NCOA6: variants seen among roughly 807,000 people sequenced by gnomAD.
NCOA6 encodes the protein nuclear receptor coactivator 6, also known as NRC RAP250.
NCOA6 carries 49 observed loss-of-function variants against 171.4 expected under a neutral mutation model. The ratio of observed to expected loss-of-function variants is 0.29; its 90% CI spans 0.23 to 0.36. NCOA6 has a LOEUF of 0.36. NCOA6 is among the 10% of genes least tolerant of loss of function. The pLI, the probability that NCOA6 is intolerant of heterozygous loss-of-function variation, is 1.00. For missense variants in NCOA6, 2,248 were observed against 2,554.5 expected (o/e 0.88, Z 2.59); for synonymous variants, 910 against 927.5 (o/e 0.98, Z 0.34).
chr20:34,798,354 C>T (rs973915625), intron 1 of NCOA6, among the ~76,000 whole-genome samples: 1 of 152,242 alleles, frequency 6.6e-6, no homozygotes, highest in Non-Finnish European at 1.5e-5. Context: ...CCCTGGCTTC[C>T]GAACATCTCT....
chr20:34,754,429 T>C (rs1381484371), intron 8 of NCOA6, among the ~76,000 whole-genome samples: 1 of 152,212 alleles, frequency 6.6e-6, no homozygotes, highest in African/African-American at 2.4e-5. Flanking sequence ...AGAGACTATA[T>C]AACCTGAAAA....
At position 34,749,765 on chromosome 20, in the gene NCOA6, G is replaced by T; in HGVS notation, c.2430C>A (p.Asn810Lys). 4 of 1,614,210 alleles carry T rather than the reference G, an allele frequency of 2.5e-6. No homozygotes were observed. The highest frequency in any genetic ancestry group is 3.4e-6 in the Non-Finnish European group (4 of 1,180,026). The change falls in exon 9 of 15, where the codon AAC (asparagine) becomes AAA (lysine). Residue 810 changes from asparagine to lysine, a missense_variant. This residue lies in a region of NCOA6 where 987 missense variants were observed against 1,104.7 expected (regional missense o/e 0.89). Coordinates refer to ENST00000359003, the MANE Select transcript of NCOA6 (RefSeq NM_014071.5). ...GCATCATCTGAGATAAACTGACATC[G>T]TTATTTGCTGTAGTAGCAGGATCAC... ...QHGDPATTAN[N>K]DVSLSQMMPD...
intron 13 of NCOA6, among the ~76,000 whole-genome samples, chr20:34,731,232 G>C (rs1986110): frequency 6.6e-6 from 1 of 151,440 alleles, no homozygotes; most frequent in South Asian, 2.1e-4. Flanking sequence ...TTTGGCCAGG[G>C]TGGTATCGAA....
rs1363756493 is a variant in NCOA6 at position 34,776,364 on chromosome 20, C to T, written c.320G>A (p.Arg107Gln). The T allele has an allele frequency of 3.7e-6, 6 of 1,613,998 alleles. No individual in the cohort carries two copies. Among genetic ancestry groups the T allele is most frequent in the Admixed American group, 1.7e-5 (1 of 60,008 alleles). Residue 107 changes from arginine to glutamine, a missense_variant, in exon 4 of 15, where the codon CGG becomes CAG. Transcript: ENST00000359003. ...TFNIPREAAERLRILAQSNNQ... is the reference protein window; with the variant it reads ...TFNIPREAAEQLRILAQSNNQ... ...GTTGCTCTGAGCAAGGATCCGTAGCCGCTCCGCTGCTTCCCGGGGGATGTT... is the reference window on the plus strand; with the variant it reads ...GTTGCTCTGAGCAAGGATCCGTAGCTGCTCCGCTGCTTCCCGGGGGATGTT...
chr20:34,797,704 A>T (rs2078122602), intron 1 of NCOA6, among the ~76,000 whole-genome samples: 1 of 152,168 alleles, frequency 6.6e-6, no homozygotes, highest in African/African-American at 2.4e-5. Context: ...CCTGGCCAAC[A>T]TGGTAAAACC....
chr20:34,725,091 G>A (rs557600609), intron 14 of NCOA6, among the ~76,000 whole-genome samples: 3 of 152,146 alleles, frequency 2.0e-5, no homozygotes, highest in African/African-American at 7.2e-5. Context: ...ACGTGGCTGA[G>A]GCTCTGTCTT....
chr20:34,759,130 C>CT (rs1162098783), intron 5 of NCOA6, among the ~76,000 whole-genome samples, 197 bp from the exon 6 acceptor site: 1 of 151,772 alleles, frequency 6.6e-6, no homozygotes, highest in Non-Finnish European at 1.5e-5. Flanking sequence ...AGTGATCCTT[C>CT]TGAGTCAGCC....
intron 4 of NCOA6, among the ~76,000 whole-genome samples, chr20:34,773,035 A>C (rs987925361): frequency 3.9e-5 from 6 of 152,176 alleles, no homozygotes; most frequent in African/African-American, 1.4e-4. Context: ...CAAACTTGCC[A>C]ATTAGGGGTC....
chr20:34,775,236 C>T (rs1206710097), intron 4 of NCOA6, among the ~76,000 whole-genome samples: 1 of 151,952 alleles, frequency 6.6e-6, no homozygotes, highest in Non-Finnish European at 1.5e-5. Flanking sequence ...GGAGTTTGGT[C>T]TTCATTCTTT....
At chr20:34,763,667 G>A (rs1034092210) in intron 5 of NCOA6, among the ~76,000 whole-genome samples, 1 of 152,190 alleles carries the variant, frequency 6.6e-6, no homozygotes, top group Non-Finnish European at 1.5e-5. Flanking sequence ...TAATGTTAAT[G>A]ACTTAGCCTG....
chr20:34,779,834 T>TG (rs949017979), intron 3 of NCOA6, among the ~76,000 whole-genome samples: 7 of 117,780 alleles, frequency 5.9e-5, no homozygotes, highest in African/African-American at 1.2e-4. Context: ...TGTTCTAATG[T>TG]GGAAAAAAAA....
At chr20:34,823,700 CT>C (rs572203512) in intron 1 of NCOA6, among the ~76,000 whole-genome samples, 64 of 146,294 alleles carry the variant, frequency 4.4e-4, no homozygotes, top group South Asian at 6.5e-4. Flanking sequence ...GAGCATCTCT[CT>C]TTTTTTTTTT....
chr20:34,819,377 A>G (rs2078936155), intron 1 of NCOA6: 4 of 152,360 alleles, frequency 2.6e-5, no homozygotes, highest in South Asian at 2.1e-4. Context: ...TTTCAAGGTT[A>G]AGTCAGAAAC....
chr20:34,737,238 A>T (rs2075985306), intron 11 of NCOA6, among the ~76,000 whole-genome samples: 1 of 152,242 alleles, frequency 6.6e-6, no homozygotes, highest in African/African-American at 2.4e-5. Flanking sequence ...GCACTTAGCA[A>T]AAGTGATGGG....
At chr20:34,804,433 G>C (rs1005713995) in intron 1 of NCOA6, among the ~76,000 whole-genome samples, 16 of 151,682 alleles carry the variant, frequency 1.1e-4, no homozygotes, top group Admixed American at 3.3e-4. Context: ...CTTGGACCTG[G>C]GAGGTTGAGG....
Position 34,757,625 on chromosome 20 carries a change from G to C in NCOA6, c.1123C>G (p.Pro375Ala). 1 of 1,614,010 alleles carries C rather than the reference G, an allele frequency of 6.2e-7. No individual in the cohort carries two copies. The highest frequency in any genetic ancestry group is 1.3e-5 in the African/African-American group (1 of 75,044). ...TVQTPSHPPP[P>A]YPFGSQQASQ... ...GCTTGCTGGCTGCCAAAGGGATATG[G>C]AGGGGGAGGGTGGGAAGGCGTCTGT... is the stretch of plus-strand genomic sequence containing the variant. The change falls in exon 7 of 15, where the codon CCA becomes GCA. Residue 375 changes from proline to alanine, a missense_variant. Around this residue, in one of 7 missense-constraint regions of NCOA6, gnomAD observed 987 missense variants for 1,104.7 expected, o/e 0.89. Transcript: ENST00000359003.
chr20:34,785,854 A>G (rs2077659927), intron 2 of NCOA6, among the ~76,000 whole-genome samples: 1 of 149,544 alleles, frequency 6.7e-6, no homozygotes, highest in African/African-American at 2.5e-5. Context: ...GTTTAACAAT[A>G]CTATGGGCAT....
At chr20:34,817,464 T>C (rs2146721218) in intron 1 of NCOA6, among the ~76,000 whole-genome samples, 1 of 152,180 alleles carries the variant, frequency 6.6e-6, no homozygotes, top group East Asian at 1.9e-4. Context: ...ATAGAGATTG[T>C]ATATCAAATA....
chr20:34,727,423 A>G lies in NCOA6; in HGVS notation c.6000-16T>C. On this transcript the variant is annotated splice_polypyrimidine_tract_variant and intron_variant, in intron 13 of 14. Transcript: ENST00000359003. ...GGGCTCACTGCTGACAGAGGGAAGC[A>G]AAAAGTTTCCAAGCAGGTGAGGGAA... 1 of 1,612,822 alleles carries G rather than the reference A, an allele frequency of 6.2e-7. No individual in the cohort carries two copies. Among genetic ancestry groups the G allele is most frequent in the Middle Eastern group, 1.9e-4 (1 of 5,212 alleles).
Sources: gnomAD v4.1 joint callset for allele counts (sites outside exome capture counted in the v4.1 genomes callset) on GRCh38, gnomAD v4.1.1 for gene constraint, gnomAD v4.1.1 regional missense constraint, MANE v1.5 for transcripts, NCBI Gene and HGNC (gene_info 2026-07-23, HGNC 2026-07-21) for gene names.